Variants in B4GALT5 observed in about 807,000 individuals in gnomAD.
B4GALT5 encodes UDP-Gal:beta-GlcNAc beta-1,4-galactosyltransferase 5.
In B4GALT5, 11 loss-of-function variants were observed where a neutral mutation model predicts 45.0. The ratio of observed to expected loss-of-function variants is 0.24; its 90% CI spans 0.15 to 0.40. The LOEUF is 0.40. Among genes scored for constraint, B4GALT5 ranks in the 10% least tolerant of loss-of-function variants. The pLI is 1.00. For missense variants in B4GALT5, 337 were observed against 500.2 expected (o/e 0.67, Z 3.11); for synonymous variants, 185 against 182.9 (o/e 1.01, Z -0.09).
intron 1 of B4GALT5, among the ~76,000 whole-genome samples, chr20:49,690,020 T>C (rs1456484879): frequency 6.6e-6 from 1 of 152,162 alleles, no homozygotes; most frequent in Non-Finnish European, 1.5e-5. Context: ...GTTTGTTTGT[T>C]TTTGAGACAG....
intron 7 of B4GALT5, among the ~76,000 whole-genome samples, chr20:49,638,439 G>C (rs1320687177): frequency 6.6e-6 from 1 of 152,148 alleles, no homozygotes. Context: ...TCCTTATGAG[G>C]TTACTGTTTA....
chr20:49,654,040 CAG>C (rs1379112834), intron 2 of B4GALT5, among the ~76,000 whole-genome samples: 4 of 152,168 alleles, frequency 2.6e-5, no homozygotes, highest in Non-Finnish European at 1.5e-5. Context: ...CCCAGAGAGA[CAG>C]ATATTCCAGC....
intron 5 of B4GALT5, among the ~76,000 whole-genome samples, 194 bp downstream of exon 5, chr20:49,642,274 G>A (rs983680168): frequency 6.6e-6 from 1 of 152,166 alleles, no homozygotes; most frequent in Non-Finnish European, 1.5e-5. Context: ...GGATTCAAGT[G>A]TGCCCAGTAC....
intron 3 of B4GALT5, among the ~76,000 whole-genome samples, chr20:49,645,442 C>T (rs1042434619): frequency 1.1e-4 from 17 of 152,062 alleles, no homozygotes; most frequent in African/African-American, 3.9e-4. Context: ...TACTGCATTG[C>T]CAGTCATATA....
At chr20:49,679,691 CAAAA>C (rs1417396398) in intron 1 of B4GALT5, among the ~76,000 whole-genome samples, 1 of 151,008 alleles carries the variant, frequency 6.6e-6, no homozygotes, top group East Asian at 1.9e-4. Context: ...AAAACAAAAA[CAAAA>C]AACAAAAACC....
At chr20:49,711,364 T>A (rs1329669616) in intron 1 of B4GALT5, among the ~76,000 whole-genome samples, 1 of 152,250 alleles carries the variant, frequency 6.6e-6, no homozygotes, top group Non-Finnish European at 1.5e-5. Context: ...ATTAAATTGA[T>A]AAGTTCCATT....
At chr20:49,711,035 A>G (rs1048082230) in intron 1 of B4GALT5, among the ~76,000 whole-genome samples, 4 of 151,038 alleles carry the variant, frequency 2.6e-5, no homozygotes, top group Admixed American at 1.3e-4. Flanking sequence ...GTAAGCTATG[A>G]GCATCACTGC....
chr20:49,639,130 C>T (rs1438809559), intron 7 of B4GALT5, among the ~76,000 whole-genome samples: 1 of 152,056 alleles, frequency 6.6e-6, no homozygotes, highest in East Asian at 1.9e-4. Flanking sequence ...GAAATGGTAA[C>T]ATGTTACTTA....
At chr20:49,654,801 C>A (rs939682490) in intron 2 of B4GALT5, among the ~76,000 whole-genome samples, 7 of 151,938 alleles carry the variant, frequency 4.6e-5, no homozygotes, top group Admixed American at 6.6e-5. Flanking sequence ...TGGGCTTAGA[C>A]GAAATCATTA....
chr20:49,656,435 A>T, intron 2 of B4GALT5, 133 bp downstream of exon 2: 2 of 1,128,534 alleles, frequency 1.8e-6, no homozygotes, highest in Non-Finnish European at 2.5e-6. Flanking sequence ...GAGCTTTTTT[A>T]GCAGTAAAGT....
chr20:49,681,197 C>T (rs934871518), intron 1 of B4GALT5, among the ~76,000 whole-genome samples: 3 of 101,884 alleles, frequency 2.9e-5, no homozygotes, highest in Non-Finnish European at 5.4e-5. Flanking sequence ...GCCTGCGCAA[C>T]AGAGCAAGAC....
chr20:49,652,139 A>G (rs2085625185), intron 2 of B4GALT5, among the ~76,000 whole-genome samples: 1 of 152,136 alleles, frequency 6.6e-6, no homozygotes, highest in Non-Finnish European at 1.5e-5. Context: ...ATTAAATAAG[A>G]ATCGCTAGCA....
chr20:49,663,690 A>AAATAT (rs1555812124), intron 1 of B4GALT5, among the ~76,000 whole-genome samples: 3 of 96,946 alleles, frequency 3.1e-5, no homozygotes, highest in African/African-American at 1.3e-4. Flanking sequence ...AAAAAAAAAA[A>AAATAT]ATATATACAT....
chr20:49,679,454 G>A (rs1348659323), intron 1 of B4GALT5, among the ~76,000 whole-genome samples: 3 of 151,866 alleles, frequency 2.0e-5, no homozygotes, highest in African/African-American at 7.3e-5. Flanking sequence ...GGATCATGAG[G>A]TCAGAAGTTC....
chr20:49,648,245 A>G (rs758856888), intron 2 of B4GALT5, among the ~76,000 whole-genome samples: 1 of 152,200 alleles, frequency 6.6e-6, no homozygotes, highest in Non-Finnish European at 1.5e-5. Flanking sequence ...GACTATAAAC[A>G]TCCTGAAACT....
intron 1 of B4GALT5, among the ~76,000 whole-genome samples, chr20:49,688,228 A>G (rs901549099): frequency 6.6e-6 from 1 of 152,198 alleles, no homozygotes; most frequent in Non-Finnish European, 1.5e-5. Flanking sequence ...CAAAATCCCA[A>G]AGATGCACAG....
At chr20:49,646,723 C>T (rs1325684114) in intron 3 of B4GALT5, among the ~76,000 whole-genome samples, 2 of 152,064 alleles carry the variant, frequency 1.3e-5, no homozygotes, top group African/African-American at 4.8e-5. Flanking sequence ...ACCCAAGTTA[C>T]AAAGGACAGG....
At chr20:49,664,208 C>G (rs963917621) in intron 1 of B4GALT5, among the ~76,000 whole-genome samples, 1 of 151,958 alleles carries the variant, frequency 6.6e-6, no homozygotes, top group African/African-American at 2.4e-5. Context: ...GAAGAGAAAA[C>G]AAGAAGATAA....
intron 1 of B4GALT5, among the ~76,000 whole-genome samples, chr20:49,678,729 C>T (rs2085750357): frequency 6.6e-6 from 1 of 152,104 alleles, no homozygotes; most frequent in Admixed American, 6.5e-5. Flanking sequence ...CATTTAACTT[C>T]GATAAAGTAG....
Sources: gnomAD v4.1 joint callset for allele counts (sites outside exome capture counted in the v4.1 genomes callset) on GRCh38, gnomAD v4.1.1 for gene constraint, MANE v1.5 for transcripts, NCBI Gene and HGNC (gene_info 2026-07-23, HGNC 2026-07-21) for gene names.